Variants in NOS1 observed in about 807,000 individuals in gnomAD.
The protein encoded by NOS1 is nitric oxide synthase 1.
A neutral mutation model predicts 164.5 loss-of-function variants in NOS1; 51 were observed. The ratio of observed to expected loss-of-function variants is 0.31; its 90% CI spans 0.25 to 0.39. The LOEUF (loss-of-function observed/expected upper bound fraction) is 0.39. Ranked by LOEUF, NOS1 falls within the 10% of genes least tolerant of loss-of-function variation. The pLI is 1.00. For synonymous variants in NOS1, 719 were observed against 745.8 expected (o/e 0.96, Z 0.59); for missense variants, 1,362 against 1,885.6 (o/e 0.72, Z 5.14).
chr12:117,224,787 C>T (rs1021222995), intron 25 of NOS1, among the ~76,000 whole-genome samples: 2 of 152,210 alleles, frequency 1.3e-5, no homozygotes, highest in Admixed American at 6.5e-5. Flanking sequence ...CACATCTTAA[C>T]AGTCAAAGAA....
At chr12:117,340,552 C>T (rs1339862481) in intron 1 of NOS1, among the ~76,000 whole-genome samples, 11 of 152,166 alleles carry the variant, frequency 7.2e-5, no homozygotes, top group Middle Eastern at 3.4e-3. Flanking sequence ...TATTTTGAGA[C>T]GGAGTCTCAC....
chr12:117,280,584 G>C (rs1873559309), intron 8 of NOS1, 141 bp downstream of exon 8: 1 of 861,526 alleles, frequency 1.2e-6, no homozygotes, highest in Non-Finnish European at 1.8e-6. Flanking sequence ...GGAACAGCCT[G>C]ATGGAGAAGC....
intron 5 of NOS1, 68 bp from the exon 6 acceptor site, chr12:117,286,334 G>A (rs1874116986): frequency 6.5e-7 from 1 of 1,539,110 alleles, no homozygotes; most frequent in Non-Finnish European, 8.9e-7. Flanking sequence ...TGGAAGGGGA[G>A]AGCTATTCCA....
chr12:117,358,274 C>A (rs1187113083), intron 1 of NOS1, among the ~76,000 whole-genome samples: 1 of 152,236 alleles, frequency 6.6e-6, no homozygotes, highest in Non-Finnish European at 1.5e-5. Context: ...TCGGACAACT[C>A]TTTGCATCTT....
intron 17 of NOS1, among the ~76,000 whole-genome samples, chr12:117,250,995 C>T (rs2135965375): frequency 6.6e-6 from 1 of 152,262 alleles, no homozygotes; most frequent in Non-Finnish European, 1.5e-5. Flanking sequence ...TTTGTGTCTC[C>T]CCCAGATTCA....
chr12:117,210,017 G>T lies in NOS1; in HGVS notation c.*5292C>A, dbSNP rs758229305. The T allele has an allele frequency of 4.5e-5, 44 of 971,960 alleles. No individual in the cohort carries two copies. Among genetic ancestry groups the T allele is most frequent in the Non-Finnish European group, 5.3e-5 (43 of 817,936 alleles). 60.2% of individuals were successfully genotyped at this position (971,960 alleles called of 1,614,324 possible). On this transcript the variant is annotated 3_prime_UTR_variant, in exon 29 of 29. Transcript: ENST00000317775. ...AGACAGGGTCTTGCTCTGTCACTCA[G>T]GCTGGAGTGCAGTGGTGCGATCCTA...
rs41420451 is a variant in NOS1 at position 117,225,156 on chromosome 12, G to C, written c.3705-19C>G. On this transcript the variant is annotated intron_variant, in intron 24 of 28. Transcript: ENST00000317775. Reference sequence around the variant, plus strand: ...GGGTGCTCTGGGCAAGGAAGAGGGGGTCAGAAGTCTTGCAGAGCTCAAATC... The same window carrying C: ...GGGTGCTCTGGGCAAGGAAGAGGGGCTCAGAAGTCTTGCAGAGCTCAAATC... 522 of 1,601,714 alleles carry C rather than the reference G, an allele frequency of 3.3e-4. 3 individuals are homozygous for C. The African/African-American group carries it at 6.6e-3, about 20-fold the overall frequency.
intron 12 of NOS1, among the ~76,000 whole-genome samples, 175 bp from the exon 13 acceptor site, chr12:117,264,149 G>T (rs1210418165): frequency 6.6e-6 from 1 of 151,622 alleles, no homozygotes; most frequent in Non-Finnish European, 1.5e-5. Context: ...TGGGGGGAGG[G>T]GGGGGGTCCT....
At chr12:117,358,470 T>C (rs748910580) in intron 1 of NOS1, among the ~76,000 whole-genome samples, 8 of 152,196 alleles carry the variant, frequency 5.3e-5, no homozygotes, top group Non-Finnish European at 1.0e-4. Flanking sequence ...GATGACACTA[T>C]TGGCCCCAAA....
intron 11 of NOS1, among the ~76,000 whole-genome samples, chr12:117,266,539 C>T (rs1176309522): frequency 2.5e-4 from 36 of 146,490 alleles, no homozygotes; most frequent in African/African-American, 7.0e-4. Context: ...TTTTTTTTTT[C>T]TTTTCTTTTT....
At chr12:117,291,469 C>T (rs7309163) in intron 3 of NOS1, among the ~76,000 whole-genome samples, 61,334 of 150,012 alleles carry the variant, frequency 0.41, 13,228 homozygotes, top group African/African-American at 0.54. Flanking sequence ...GGGGATAAAT[C>T]TCAGGCTGAC....
intron 1 of NOS1, among the ~76,000 whole-genome samples, chr12:117,339,394 T>C (rs888140701): frequency 6.6e-6 from 1 of 152,240 alleles, no homozygotes; most frequent in Non-Finnish European, 1.5e-5. Context: ...ACACACTCTG[T>C]TGTCAAGGCT....
chr12:117,233,069 C>T (rs1013288947), intron 21 of NOS1, among the ~76,000 whole-genome samples: 13 of 98,206 alleles, frequency 1.3e-4, no homozygotes, highest in Non-Finnish European at 1.7e-4. Flanking sequence ...GATGGAGTTT[C>T]GCTTTTGCTG....
chr12:117,309,799 C>CTG (rs1376325907), intron 3 of NOS1, among the ~76,000 whole-genome samples: 4 of 149,346 alleles, frequency 2.7e-5, no homozygotes, highest in Admixed American at 6.8e-5. Flanking sequence ...GAAACAGTCT[C>CTG]CTAGTTAGCC....
At chr12:117,233,034 C>CT (rs34474757) in intron 21 of NOS1, among the ~76,000 whole-genome samples, 3,246 of 88,324 alleles carry the variant, frequency 0.037, 314 homozygotes, top group East Asian at 0.18. Context: ...TGCCTCACTA[C>CT]TTTTTTTTTT....
chr12:117,277,868 T>G lies in NOS1; in HGVS notation c.1664+91A>C. On this transcript the variant is annotated intron_variant, in intron 9 of 28. Coordinates refer to ENST00000317775, the MANE Select transcript of NOS1 (RefSeq NM_000620.5). ...TTCCCCTTTCAGCTTCGGTCTGGAC[T>G]AGAAAGAAAGCCAGGGGGGATGGGG... is the stretch of plus-strand genomic sequence containing the variant. 2.1e-6 allele frequency: 3 copies of G among 1,445,392 alleles called. No homozygotes were observed. In the South Asian group the frequency reaches 4.1e-5, roughly 20 times the overall value. The allele number at this position is 1,445,392 out of a possible 1,614,324, so 89.5% of individuals were successfully genotyped here. A position where few individuals can be genotyped will look rare whatever the true frequency, so the allele number is the denominator to read the frequency against.
rs560462389 is a variant in NOS1, at chr12:117,334,629, A to C, written c.-420-3140T>G. ...AGGCTGGTCTCGAACTCCTGACCTCAAGTGATCCGCCTGCCTCAGCCTCCC... is the reference window on the plus strand; with the variant it reads ...AGGCTGGTCTCGAACTCCTGACCTCCAGTGATCCGCCTGCCTCAGCCTCCC... On this transcript the variant is annotated intron_variant, in intron 1 of 28. Transcript: ENST00000317775. Among the ~76,000 whole-genome samples, 6 of 152,226 alleles carry C rather than the reference A, an allele frequency of 3.9e-5. No individual in the cohort carries two copies. The East Asian group carries it at 1.2e-3, about 29-fold the overall frequency.
rs1337271439 is a variant in NOS1 at position 117,331,050 on chromosome 12, C to G, written c.20G>C (p.Gly7Ala). Residue 7 changes from glycine (G) to alanine (A), a missense_variant, in exon 2 of 29, where the codon GGT becomes GCT. Physicochemically the swap from Gly to Ala is moderately conservative, Grantham distance 60. Around this residue, in one of 4 missense-constraint regions of NOS1, gnomAD observed 362 missense variants for 402.0 expected, o/e 0.90. Transcript: ENST00000317775. ...GACATTGGGCTGGATTTGCTGAACA[C>G]CGAACATGTGATCCTCCATGGTAAC... The part of the protein sequence containing the change: MEDHMF[G>A]VQQIQPNVIS... 1 of 1,612,260 alleles carries G rather than the reference C, an allele frequency of 6.2e-7. No individual in the cohort carries two copies. The highest frequency in any genetic ancestry group is 8.5e-7 in the Non-Finnish European group (1 of 1,178,664).
intron 1 of NOS1, among the ~76,000 whole-genome samples, chr12:117,352,548 G>C (rs1876673670): frequency 6.6e-6 from 1 of 152,258 alleles, no homozygotes; most frequent in Non-Finnish European, 1.5e-5. Context: ...AAGAGGGCTC[G>C]ATTGGGATGC....
Sources: gnomAD v4.1 joint callset for allele counts (sites outside exome capture counted in the v4.1 genomes callset) on GRCh38, gnomAD v4.1.1 for gene constraint, gnomAD v4.1.1 regional missense constraint, MANE v1.5 for transcripts, NCBI Gene and HGNC (gene_info 2026-07-23, HGNC 2026-07-21) for gene names.